Variants in GRID2 observed in about 807,000 individuals in gnomAD.
The protein encoded by GRID2 is glutamate ionotropic receptor delta type subunit 2.
In GRID2, 33 loss-of-function variants were observed where a neutral mutation model predicts 114.8. That is an observed-to-expected ratio of 0.29 (90% CI 0.22 to 0.38). The LOEUF (loss-of-function observed/expected upper bound fraction) is 0.38, where lower values mean the gene tolerates loss of function less well. Among genes scored for constraint, GRID2 ranks in the 10% least tolerant of loss-of-function variants. The pLI is 1.00. For missense variants in GRID2, 1,184 were observed against 1,257.7 expected (o/e 0.94, Z 0.89); for synonymous variants, 505 against 449.9 (o/e 1.12, Z -1.55).
At chr4:93,023,053 A>G (rs1233184470) in intron 2 of GRID2, among the ~76,000 whole-genome samples, 2 of 151,704 alleles carry the variant, frequency 1.3e-5, no homozygotes, top group South Asian at 2.1e-4. Context: ...ATTTTAGGAC[A>G]TTTAATGAGA....
intron 2 of GRID2, among the ~76,000 whole-genome samples, chr4:92,602,203 T>TAAAAAAAAAAAAAAAAAA (rs548267650): frequency 1.0e-5 from 1 of 95,684 alleles, no homozygotes. Context: ...GCCAGAGATT[T>TAAAAAAAAAAAAAAAAAA]AAAAAAAAAA....
chr4:92,817,502 A>G (rs912104131), intron 2 of GRID2, among the ~76,000 whole-genome samples: 2 of 152,108 alleles, frequency 1.3e-5, no homozygotes, highest in African/African-American at 4.8e-5. Flanking sequence ...TATCTCTCAT[A>G]AGGCCATATC....
chr4:92,826,510 G>A (rs1475506107), intron 2 of GRID2, among the ~76,000 whole-genome samples: 3 of 151,998 alleles, frequency 2.0e-5, no homozygotes, highest in East Asian at 1.9e-4. Flanking sequence ...CCACTGGAGT[G>A]TAAGTTCCAA....
chr4:93,672,903 A>G (rs1205059068), intron 14 of GRID2, among the ~76,000 whole-genome samples: 2 of 152,368 alleles, frequency 1.3e-5, no homozygotes, highest in Non-Finnish European at 1.5e-5. Context: ...AGTTGAATGT[A>G]AAAGGATGAT....
intron 2 of GRID2, among the ~76,000 whole-genome samples, chr4:92,650,147 A>G (rs1294053815): frequency 6.6e-6 from 1 of 152,078 alleles, no homozygotes; most frequent in African/African-American, 2.4e-5. Flanking sequence ...TAATATATGT[A>G]TATATGCATA....
intron 12 of GRID2, among the ~76,000 whole-genome samples, chr4:93,503,008 T>C (rs1728276950): frequency 6.6e-6 from 1 of 152,082 alleles, no homozygotes; most frequent in African/African-American, 2.4e-5. Context: ...AATCTCAAAA[T>C]AGCAGTTAAT....
intron 13 of GRID2, among the ~76,000 whole-genome samples, chr4:93,604,148 T>A (rs1739969982): frequency 6.6e-6 from 1 of 152,224 alleles, no homozygotes; most frequent in Non-Finnish European, 1.5e-5. Flanking sequence ...CTGGAAAGCA[T>A]TCACCTTTCT....
At chr4:93,761,857 G>C (rs1220478393) in intron 14 of GRID2, among the ~76,000 whole-genome samples, 1 of 151,994 alleles carries the variant, frequency 6.6e-6, no homozygotes, top group East Asian at 1.9e-4. Flanking sequence ...AAAAATAATC[G>C]ATTGATGATT....
chr4:93,523,832 T>C lies in GRID2; in HGVS notation c.2193+8421T>C, dbSNP rs182377064. ...AGCTGATGCATGCTAGACTTAAGGATGAAGCAGCTCTGCACCATGTTGCAC... is the reference window on the plus strand; with the variant it reads ...AGCTGATGCATGCTAGACTTAAGGACGAAGCAGCTCTGCACCATGTTGCAC... On this transcript the variant is annotated intron_variant, in intron 13 of 15. Transcript: ENST00000282020. 1.5e-3 allele frequency among the ~76,000 whole-genome samples: 222 copies of C among 152,194 alleles called. 1 individual carries two copies. The highest frequency in any genetic ancestry group is 4.5e-3 in the African/African-American group (186 of 41,508).
At chr4:93,428,594 GA>G (rs2149376610) in intron 10 of GRID2, among the ~76,000 whole-genome samples, 2 of 152,230 alleles carry the variant, frequency 1.3e-5, no homozygotes, top group Admixed American at 1.3e-4. Context: ...ATCAAGAAAA[GA>G]CTTTCAAACA....
At chr4:92,877,388 C>A (rs1238177198) in intron 2 of GRID2, among the ~76,000 whole-genome samples, 2 of 152,180 alleles carry the variant, frequency 1.3e-5, no homozygotes, top group Non-Finnish European at 2.9e-5. Context: ...GTAATTTTAA[C>A]CTCCTTGATT....
At chr4:93,350,350 A>G (rs942049371) in intron 8 of GRID2, among the ~76,000 whole-genome samples, 1 of 152,080 alleles carries the variant, frequency 6.6e-6, no homozygotes, top group Non-Finnish European at 1.5e-5. Flanking sequence ...AGAAGATACC[A>G]TTGCACATGT....
At chr4:92,703,399 A>G (rs975351025) in intron 2 of GRID2, among the ~76,000 whole-genome samples, 2 of 152,024 alleles carry the variant, frequency 1.3e-5, no homozygotes, top group African/African-American at 2.4e-5. Context: ...AAAGAAACCT[A>G]AGATATATGA....
intron 8 of GRID2, among the ~76,000 whole-genome samples, chr4:93,301,498 C>T (rs1410252251): frequency 6.6e-6 from 1 of 152,056 alleles, no homozygotes; most frequent in African/African-American, 2.4e-5. Flanking sequence ...TAGTTTTAAA[C>T]ATCTCTTGCC....
At chr4:92,691,563 C>G (rs1734184255) in intron 2 of GRID2, among the ~76,000 whole-genome samples, 1 of 152,208 alleles carries the variant, frequency 6.6e-6, no homozygotes, top group Non-Finnish European at 1.5e-5. Flanking sequence ...ATCACTGATA[C>G]TCTCTTTGCC....
chr4:92,842,458 A>G (rs1228482547), intron 2 of GRID2, among the ~76,000 whole-genome samples: 1 of 152,160 alleles, frequency 6.6e-6, no homozygotes, highest in Non-Finnish European at 1.5e-5. Context: ...AGGAAATTTC[A>G]TATGCTTACT....
intron 13 of GRID2, among the ~76,000 whole-genome samples, chr4:93,516,461 C>A (rs1468395449): frequency 6.6e-6 from 1 of 152,114 alleles, no homozygotes; most frequent in Non-Finnish European, 1.5e-5. Flanking sequence ...CTAACATAAA[C>A]CTTTCTTCAA....
chr4:93,168,755 T>C (rs1738506892), intron 4 of GRID2, among the ~76,000 whole-genome samples: 1 of 150,836 alleles, frequency 6.6e-6, no homozygotes. Flanking sequence ...TCAAATTTTA[T>C]ATGAAAGCTA....
intron 1 of GRID2, among the ~76,000 whole-genome samples, chr4:92,440,483 T>TATGTTGAGTAAA (rs1560630766): frequency 6.6e-6 from 1 of 152,026 alleles, no homozygotes; most frequent in Non-Finnish European, 1.5e-5. Flanking sequence ...AAAGCTAATT[T>TATGTTGAGTAAA]GCCAGTCCTG....
Sources: allele counts gnomAD v4.1 joint callset (sites outside exome capture counted in the v4.1 genomes callset), GRCh38; gene constraint gnomAD v4.1.1; transcripts MANE v1.5; gene names NCBI Gene and HGNC (gene_info 2026-07-23, HGNC 2026-07-21).